The following KCNQ1 variants were observed in gnomAD, a reference collection of about 807,000 sequenced individuals.
The protein encoded by KCNQ1 is potassium voltage-gated channel subfamily Q member 1.
Under a neutral mutation model 72.4 loss-of-function variants are expected in KCNQ1, and 49 were observed. That is an observed-to-expected ratio of 0.68 (90% CI 0.54 to 0.86). The LOEUF (loss-of-function observed/expected upper bound fraction) is 0.86, where lower values mean the gene tolerates loss of function less well. Ranked by LOEUF, KCNQ1 falls within the 40% of genes least tolerant of loss-of-function variation. The probability of loss-of-function intolerance (pLI) is 0.00; values close to 1 mark genes in which losing one functional copy is unlikely to be tolerated. For missense variants in KCNQ1, 790 were observed against 945.1 expected (o/e 0.84, Z 2.15); for synonymous variants, 450 against 412.6 (o/e 1.09, Z -1.10).
rs1384334673 is a variant in KCNQ1, at chr11:2,817,459, C to A, written c.1795-30308C>A. The stretch of plus-strand genomic sequence containing the variant: ...AAGCTGACCCCAGTCGTGGCAGCCA[C>A]CCCAGCAGTCAGGGAAGGACCTGCT... On this transcript the variant is annotated intron_variant, in intron 15 of 15. Coordinates refer to ENST00000155840, the MANE Select transcript of KCNQ1 (RefSeq NM_000218.3). The surrounding 1 kb of genome is among the most constrained non-coding windows in gnomAD (Gnocchi z 6.1). Among the ~76,000 whole-genome samples the A allele has an allele frequency of 1.3e-5, 2 of 152,138 alleles. No homozygotes were observed. The highest frequency in any genetic ancestry group is 4.8e-5 in the African/African-American group (2 of 41,426).
intron 11 of KCNQ1, among the ~76,000 whole-genome samples, chr11:2,701,923 T>C (rs1029849010): frequency 6.6e-6 from 1 of 152,220 alleles, no homozygotes. Context: ...CTTGGAGCCA[T>C]TGAGATAGGA....
At chr11:2,681,255 C>T (rs1280221175) in intron 11 of KCNQ1, 3 of 398,426 alleles carry the variant, frequency 7.5e-6, no homozygotes, top group Non-Finnish European at 1.3e-5. Flanking sequence ...CCTGCCTCCC[C>T]AGGAGAGAGC....
chr11:2,683,509 A>C lies in KCNQ1; in HGVS notation c.1514+21428A>C, dbSNP rs1473449339. ...TAAAACATAACTTGTTAAAGCATAG[A>C]GCTTAGTTCAGAGTAAACATTTCTA... is the stretch of plus-strand genomic sequence containing the variant. On this transcript the variant is annotated intron_variant, in intron 11 of 15. Coordinates refer to ENST00000155840, the MANE Select transcript of KCNQ1 (RefSeq NM_000218.3). The surrounding 1 kb of genome is among the most constrained non-coding windows in gnomAD (Gnocchi z 4.7). The C allele has an allele frequency of 7.5e-6, 3 of 398,526 alleles. No individual in the cohort carries two copies. Among genetic ancestry groups the C allele is most frequent in the African/African-American group, 2.1e-5 (1 of 48,638 alleles). The allele number at this position is 398,526 out of a possible 1,614,324, so 24.7% of individuals were successfully genotyped here.
rs1287862551 is a variant in KCNQ1 at position 2,764,834 on chromosome 11, A to T, written c.1515-4010A>T. Among the ~76,000 whole-genome samples, 2 of 152,208 alleles carry T rather than the reference A, an allele frequency of 1.3e-5. No homozygotes were observed. Among genetic ancestry groups the T allele is most frequent in the African/African-American group, 4.8e-5 (2 of 41,444 alleles). ...TAAATGTTTCTGCACCTCTAGGTCT[A>T]TAGTGACATTCCATCTTTAACTCCT... On this transcript the variant is annotated intron_variant, in intron 11 of 15. Transcript: ENST00000155840. The surrounding 1 kb of genome is among the most constrained non-coding windows in gnomAD (Gnocchi z 4.8).
At chr11:2,622,602 T>G (rs1329327908) in intron 10 of KCNQ1, 1 of 398,456 alleles carries the variant, frequency 2.5e-6, no homozygotes, top group Non-Finnish European at 4.4e-6. Flanking sequence ...TGCCTTACAT[T>G]TTTTAAATAC....
At position 2,566,667 on chromosome 11, in the gene KCNQ1, G is replaced by T. The variant is rs1253895505; in HGVS notation, c.478-3961G>T. Among the ~76,000 whole-genome samples the T allele has an allele frequency of 6.6e-6, 1 of 152,160 alleles. No individual in the cohort carries two copies. The highest frequency in any genetic ancestry group is 1.5e-5 in the Non-Finnish European group (1 of 68,018). On this transcript the variant is annotated intron_variant, in intron 2 of 15. Coordinates refer to ENST00000155840, the MANE Select transcript of KCNQ1 (RefSeq NM_000218.3). The surrounding 1 kb of genome is among the most constrained non-coding windows in gnomAD (Gnocchi z 6.7). Reference sequence around the variant, plus strand: ...TCCCTTTGGTCTGTTTGTGGTCTCAGTGGAGACCAAGGACGGCTCTTCTTC... The same window carrying T: ...TCCCTTTGGTCTGTTTGTGGTCTCATTGGAGACCAAGGACGGCTCTTCTTC...
intron 11 of KCNQ1, among the ~76,000 whole-genome samples, chr11:2,700,242 C>T (rs557373396): frequency 3.9e-5 from 6 of 152,148 alleles, no homozygotes; most frequent in East Asian, 1.9e-4. Context: ...TGAGGTGGCG[C>T]GAGCCGCCGC....
At chr11:2,842,753 C>A (rs570508663) in intron 15 of KCNQ1, among the ~76,000 whole-genome samples, 2 of 152,324 alleles carry the variant, frequency 1.3e-5, no homozygotes, top group East Asian at 3.9e-4. Flanking sequence ...TGCAACTGTA[C>A]GTGCACTCTA....
intron 15 of KCNQ1, among the ~76,000 whole-genome samples, chr11:2,846,518 C>T (rs1848332016): frequency 6.6e-6 from 1 of 152,210 alleles, no homozygotes; most frequent in African/African-American, 2.4e-5. Flanking sequence ...GCGCCCTCCC[C>T]GAACCCTCAC....
At position 2,766,908 on chromosome 11, in the gene KCNQ1, G is replaced by T. The variant is rs1846508180; in HGVS notation, c.1515-1936G>T. Among the ~76,000 whole-genome samples the T allele has an allele frequency of 2.6e-5, 4 of 152,210 alleles. No individual in the cohort carries two copies. The highest frequency in any genetic ancestry group is 2.1e-4 in the South Asian group (1 of 4,820). On this transcript the variant is annotated intron_variant, in intron 11 of 15. Transcript: ENST00000155840. This position sits in a 1 kb window ranked among gnomAD's most constrained non-coding sequence, Gnocchi z 4.4. Reference sequence around the variant, plus strand: ...AAATATTTTCTTTGGGCCGGGCATGGTGGCTCATGCCTGTAATCCCAGCAC... The same window carrying T: ...AAATATTTTCTTTGGGCCGGGCATGTTGGCTCATGCCTGTAATCCCAGCAC...
At position 2,477,998 on chromosome 11, in the gene KCNQ1, A is replaced by T. The variant is rs2133607655; in HGVS notation, c.386+32514A>T. Among the ~76,000 whole-genome samples the T allele has an allele frequency of 6.6e-6, 1 of 152,260 alleles. No homozygotes were observed. Among genetic ancestry groups the T allele is most frequent in the African/African-American group, 2.4e-5 (1 of 41,532 alleles). The stretch of plus-strand genomic sequence containing the variant: ...CCACCACTTACTAGTTACAAAGGAA[A>T]AAGAATCACTTTCTAGAGGCAAAGC... On this transcript the variant is annotated intron_variant, in intron 1 of 15. Coordinates refer to ENST00000155840, the MANE Select transcript of KCNQ1 (RefSeq NM_000218.3). The surrounding 1 kb of genome is among the most constrained non-coding windows in gnomAD (Gnocchi z 5.0).
chr11:2,555,262 C>T (rs1372931117), intron 2 of KCNQ1, among the ~76,000 whole-genome samples: 1 of 152,224 alleles, frequency 6.6e-6, no homozygotes, highest in Non-Finnish European at 1.5e-5. Flanking sequence ...GAAGCTTCGG[C>T]TCCTGGCAGA....
rs553539293 is a variant in KCNQ1, at chr11:2,532,913, G to C, written c.477+4895G>C. Among the ~76,000 whole-genome samples, 268 of 152,310 alleles carry C rather than the reference G, an allele frequency of 1.8e-3. 1 individual carries two copies. The highest frequency in any genetic ancestry group is 6.3e-3 in the African/African-American group (260 of 41,572). On this transcript the variant is annotated intron_variant, in intron 2 of 15. Transcript: ENST00000155840. ...TCGGGGAGGTACGAGAAGCAAAGGT[G>C]TTTGCAGCCCTTGGGGCCAGGCGGC...
rs559794632 is a variant in KCNQ1, at chr11:2,604,133, A to G, written c.1393+15279A>G. 3.0e-4 allele frequency among the ~76,000 whole-genome samples: 46 copies of G among 152,300 alleles called. 1 individual carries two copies. The East Asian group carries it at 4.6e-3, about 15-fold the overall frequency. Reference sequence around the variant, plus strand: ...CTACTATGAATAATGCTTCTAGAACATGTGGGTTTTTGTGTGGACATGTGT... The same window carrying G: ...CTACTATGAATAATGCTTCTAGAACGTGTGGGTTTTTGTGTGGACATGTGT... On this transcript the variant is annotated intron_variant, in intron 10 of 15. Transcript: ENST00000155840.
intron 2 of KCNQ1, among the ~76,000 whole-genome samples, chr11:2,561,715 T>C (rs1848169770): frequency 6.6e-6 from 1 of 152,192 alleles, no homozygotes; most frequent in Non-Finnish European, 1.5e-5. Flanking sequence ...GACAAGGGGC[T>C]CTCAGGGGGC....
At chr11:2,535,801 T>C (rs1847721924) in intron 2 of KCNQ1, among the ~76,000 whole-genome samples, 1 of 152,222 alleles carries the variant, frequency 6.6e-6, no homozygotes. Context: ...GCCGCTTTGC[T>C]GGGCGTAGGA....
rs1428881119 is a variant in KCNQ1 at position 2,752,801 on chromosome 11, C to T, written c.1515-16043C>T. On this transcript the variant is annotated intron_variant, in intron 11 of 15. Coordinates refer to ENST00000155840, the MANE Select transcript of KCNQ1 (RefSeq NM_000218.3). The surrounding 1 kb of genome is among the most constrained non-coding windows in gnomAD (Gnocchi z 5.2). Reference sequence around the variant, plus strand: ...CACACATTCAGACTACAGCACCTTGCTCCTGGGGAAACAGAGGAAACTGGT... The same window carrying T: ...CACACATTCAGACTACAGCACCTTGTTCCTGGGGAAACAGAGGAAACTGGT... 6.6e-6 allele frequency among the ~76,000 whole-genome samples: 1 copy of T among 152,186 alleles called. No individual in the cohort carries two copies. The highest frequency in any genetic ancestry group is 1.5e-5 in the Non-Finnish European group (1 of 68,026).
At position 2,566,953 on chromosome 11, in the gene KCNQ1, T is replaced by G. The variant is rs1848257253; in HGVS notation, c.478-3675T>G. Among the ~76,000 whole-genome samples the G allele has an allele frequency of 1.3e-5, 1 of 79,836 alleles. No homozygotes were observed. The highest frequency in any genetic ancestry group is 2.5e-5 in the Non-Finnish European group (1 of 40,512). The allele number at this position is 79,836 out of a possible 152,430, so 52.4% of individuals were successfully genotyped here. A position where few individuals can be genotyped will look rare whatever the true frequency, so the allele number is the denominator to read the frequency against. On this transcript the variant is annotated intron_variant, in intron 2 of 15. Coordinates refer to ENST00000155840, the MANE Select transcript of KCNQ1 (RefSeq NM_000218.3). This position sits in a 1 kb window ranked among gnomAD's most constrained non-coding sequence, Gnocchi z 6.7. ...GGGTGATGGGGGTGCTGAGCTGGCCTGAGAAGGGTGGGGTAACCTAGGGGG... is the reference window on the plus strand; with the variant it reads ...GGGTGATGGGGGTGCTGAGCTGGCCGGAGAAGGGTGGGGTAACCTAGGGGG...
rs1415735521 is a variant in KCNQ1 at position 2,471,675 on chromosome 11, CACATGTGTATGGGTGT to C, written c.386+26192_386+26207del. Among the ~76,000 whole-genome samples, 3 of 150,272 alleles carry C rather than the reference CACATGTGTATGGGTGT, an allele frequency of 2.0e-5. No individual in the cohort carries two copies. The highest frequency in any genetic ancestry group is 7.4e-5 in the African/African-American group (3 of 40,564). On this transcript the variant is annotated intron_variant, in intron 1 of 15. Coordinates refer to ENST00000155840, the MANE Select transcript of KCNQ1 (RefSeq NM_000218.3). The surrounding 1 kb of genome is among the most constrained non-coding windows in gnomAD (Gnocchi z 4.8). ...GTGTATGGGTGTGTGCATGGGTGTG[CACATGTGTATGGGTGT>C]GCATGTGTGTATAGGTGTGTGTATG...
Sources: gnomAD v4.1 joint callset for allele counts (sites outside exome capture counted in the v4.1 genomes callset) on GRCh38, gnomAD v4.1.1 for gene constraint, Gnocchi (gnomAD v3.1) non-coding constraint, MANE v1.5 for transcripts, NCBI Gene and HGNC (gene_info 2026-07-23, HGNC 2026-07-21) for gene names.